Variants in TRAPPC9 observed in about 807,000 individuals in gnomAD.
TRAPPC9 encodes trafficking protein particle complex subunit 9, also known as IKK2 binding protein.
TRAPPC9 carries 83 observed loss-of-function variants against 124.0 expected under a neutral mutation model. The observed-to-expected ratio is 0.67, with a 90% CI of 0.56 to 0.80. The LOEUF (loss-of-function observed/expected upper bound fraction) is 0.80, where lower values mean the gene tolerates loss of function less well. TRAPPC9 is among the 30% of genes least tolerant of loss of function. The pLI is 0.00. For missense variants in TRAPPC9, 1,302 were observed against 1,508.3 expected (o/e 0.86, Z 2.27); for synonymous variants, 638 against 617.5 (o/e 1.03, Z -0.49).
chr8:140,261,652 G>C (rs1264988674), intron 15 of TRAPPC9, among the ~76,000 whole-genome samples: 2 of 152,190 alleles, frequency 1.3e-5, no homozygotes, highest in Non-Finnish European at 2.9e-5. Context: ...AGCGTATCAG[G>C]AGTGTACAAC....
chr8:140,156,970 CA>C (rs1186012009), intron 17 of TRAPPC9, among the ~76,000 whole-genome samples: 2 of 132,412 alleles, frequency 1.5e-5, no homozygotes, highest in Non-Finnish European at 1.6e-5. Context: ...CTTTTCCATT[CA>C]AAAGCCTCCC....
At position 139,952,529 on chromosome 8, in the gene TRAPPC9, G is replaced by T. The variant is rs375675339; in HGVS notation, c.2810+36197C>A. On this transcript the variant is annotated intron_variant, in intron 19 of 22. Coordinates refer to ENST00000438773, the MANE Select transcript of TRAPPC9 (RefSeq NM_001160372.4). Reference sequence around the variant, plus strand: ...AGGAGCCCGGCAGCTCGGGTCACCAGAGGGCTCTCCCCGGGAGCAGTGAAC... The same window carrying T: ...AGGAGCCCGGCAGCTCGGGTCACCATAGGGCTCTCCCCGGGAGCAGTGAAC... Among the ~76,000 whole-genome samples the T allele has an allele frequency of 1.4e-4, 21 of 152,232 alleles. No individual in the cohort carries two copies. The East Asian group carries it at 2.5e-3, about 18-fold the overall frequency.
intron 21 of TRAPPC9, among the ~76,000 whole-genome samples, chr8:139,764,234 G>A (rs77514322): frequency 0.019 from 2,901 of 152,258 alleles, 79 homozygotes; most frequent in African/African-American, 0.062. Flanking sequence ...AGAAGGAGAG[G>A]AGGAATGAGC....
intron 21 of TRAPPC9, among the ~76,000 whole-genome samples, chr8:139,802,667 T>A (rs1460829058): frequency 1.3e-5 from 2 of 152,254 alleles, no homozygotes; most frequent in African/African-American, 4.8e-5. Flanking sequence ...TACTCTCTTT[T>A]ACGGGCAAGA....
intron 17 of TRAPPC9, among the ~76,000 whole-genome samples, chr8:140,174,163 T>C (rs1343515696): frequency 1.3e-5 from 2 of 151,998 alleles, no homozygotes; most frequent in Non-Finnish European, 2.9e-5. Flanking sequence ...AAGTGGGAGC[T>C]AAATAATGAG....
At chr8:140,312,548 T>C (rs2066325137) in intron 9 of TRAPPC9, among the ~76,000 whole-genome samples, 1 of 152,040 alleles carries the variant, frequency 6.6e-6, no homozygotes, top group Non-Finnish European at 1.5e-5. Flanking sequence ...GAAATGATAA[T>C]AACCATTATC....
intron 18 of TRAPPC9, among the ~76,000 whole-genome samples, chr8:139,998,708 C>T (rs753475846): frequency 3.3e-5 from 5 of 151,812 alleles, no homozygotes; most frequent in Non-Finnish European, 5.9e-5. Flanking sequence ...GGCAACACAG[C>T]GAGACTCCGT....
chr8:140,280,185 GC>G (rs1307005091), intron 14 of TRAPPC9, among the ~76,000 whole-genome samples: 1 of 152,220 alleles, frequency 6.6e-6, no homozygotes, highest in Non-Finnish European at 1.5e-5. Flanking sequence ...AGCAGCCAAA[GC>G]CAGAGCTGGG....
chr8:139,754,902 C>T (rs1006211185), intron 21 of TRAPPC9, among the ~76,000 whole-genome samples: 4 of 152,228 alleles, frequency 2.6e-5, no homozygotes, highest in Non-Finnish European at 5.9e-5. Flanking sequence ...ATCTGTCAAA[C>T]GGGCAAAACG....
At chr8:139,741,069 G>A (rs552502438) in intron 21 of TRAPPC9, among the ~76,000 whole-genome samples, 7 of 152,304 alleles carry the variant, frequency 4.6e-5, no homozygotes. Flanking sequence ...TGTGGGGGAA[G>A]AGGCCTGCCC....
At chr8:140,270,340 T>C (rs1368395249) in intron 15 of TRAPPC9, among the ~76,000 whole-genome samples, 2 of 152,206 alleles carry the variant, frequency 1.3e-5, no homozygotes, top group Non-Finnish European at 2.9e-5. Context: ...CACGCTTGTC[T>C]ACGTCCTCCA....
At chr8:140,120,802 A>G (rs2060973022) in intron 17 of TRAPPC9, among the ~76,000 whole-genome samples, 1 of 150,768 alleles carries the variant, frequency 6.6e-6, no homozygotes, top group African/African-American at 2.5e-5. Flanking sequence ...ACATCCATCC[A>G]TCCATTCATC....
chr8:140,258,734 GA>G (rs2064328169), intron 15 of TRAPPC9, among the ~76,000 whole-genome samples: 1 of 152,260 alleles, frequency 6.6e-6, no homozygotes, highest in Non-Finnish European at 1.5e-5. Flanking sequence ...GATAGAATGG[GA>G]TAAGAGAGGC....
chr8:140,143,479 C>CATAA (rs2061411474), intron 17 of TRAPPC9, among the ~76,000 whole-genome samples: 1 of 152,212 alleles, frequency 6.6e-6, no homozygotes, highest in East Asian at 1.9e-4. Flanking sequence ...CAGAAAAATG[C>CATAA]GTAACACATG....
intron 21 of TRAPPC9, among the ~76,000 whole-genome samples, chr8:139,831,795 G>A (rs1826013395): frequency 6.6e-6 from 1 of 152,202 alleles, no homozygotes; most frequent in Non-Finnish European, 1.5e-5. Context: ...GGGGAATGGA[G>A]GCCCAGGGGG....
At chr8:140,227,284 TA>T (rs1419254071) in intron 16 of TRAPPC9, among the ~76,000 whole-genome samples, 1 of 152,180 alleles carries the variant, frequency 6.6e-6, no homozygotes, top group East Asian at 1.9e-4. Context: ...TTCAATCATT[TA>T]GCCAATTTTT....
Position 140,216,274 on chromosome 8 carries a change from T to C in TRAPPC9, c.2556+5185A>G, listed in dbSNP as rs2063191509. On this transcript the variant is annotated intron_variant, in intron 17 of 22. Transcript: ENST00000438773. This position sits in a 1 kb window ranked among gnomAD's most constrained non-coding sequence, Gnocchi z 4.1. Reference sequence around the variant, plus strand: ...GGTAATGATATTTTAATCATTACATTTAAATACATGTACGAACATTCATCT... The same window carrying C: ...GGTAATGATATTTTAATCATTACATCTAAATACATGTACGAACATTCATCT... Among the ~76,000 whole-genome samples, 1 of 152,202 alleles carries C rather than the reference T, an allele frequency of 6.6e-6. No homozygotes were observed. The highest frequency in any genetic ancestry group is 2.1e-4 in the South Asian group (1 of 4,824).
At chr8:140,067,732 G>A (rs1842957769) in intron 17 of TRAPPC9, among the ~76,000 whole-genome samples, 1 of 152,176 alleles carries the variant, frequency 6.6e-6, no homozygotes. Context: ...TCAAATACAA[G>A]AGTCTTATTT....
chr8:140,238,992 G>A (rs912107112), intron 16 of TRAPPC9, among the ~76,000 whole-genome samples: 5 of 152,008 alleles, frequency 3.3e-5, no homozygotes, highest in African/African-American at 7.2e-5. Flanking sequence ...GGAGGGGCCC[G>A]GGCGCTGCAG....
Sources: allele counts gnomAD v4.1 joint callset (sites outside exome capture counted in the v4.1 genomes callset), GRCh38; gene constraint gnomAD v4.1.1; non-coding constraint Gnocchi (gnomAD v3.1); transcripts MANE v1.5; gene names NCBI Gene and HGNC (gene_info 2026-07-23, HGNC 2026-07-21).